The following DLGAP1 variants were observed in gnomAD, a reference collection of about 807,000 sequenced individuals.
DLGAP1 encodes disks large-associated protein 1.
A neutral mutation model predicts 90.8 loss-of-function variants in DLGAP1; 11 were observed. The ratio of observed to expected loss-of-function variants is 0.12; its 90% CI spans 0.08 to 0.20. DLGAP1 has a LOEUF of 0.20. Among genes scored for constraint, DLGAP1 ranks in the 10% least tolerant of loss-of-function variants. The pLI is 1.00. For missense variants in DLGAP1, 1,050 were observed against 1,333.8 expected (o/e 0.79, Z 3.31); for synonymous variants, 558 against 540.7 (o/e 1.03, Z -0.44).
intron 7 of DLGAP1, among the ~76,000 whole-genome samples, chr18:3,601,831 C>T (rs1282924961): frequency 8.7e-6 from 1 of 114,288 alleles, no homozygotes; most frequent in Admixed American, 1.0e-4. Flanking sequence ...GGTGACAGAG[C>T]GAGACTCCAT....
chr18:4,193,828 A>T (rs549079860), intron 1 of DLGAP1, among the ~76,000 whole-genome samples: 2 of 152,342 alleles, frequency 1.3e-5, no homozygotes, highest in African/African-American at 4.8e-5. Flanking sequence ...TCAATGCCCC[A>T]GTGAACTTGG....
Position 3,582,076 on chromosome 18 carries a change from G to A in DLGAP1, c.1764C>T (p.Asn588=). 6.2e-7 allele frequency: 1 copy of A among 1,611,328 alleles called. No homozygotes were observed. The highest frequency in any genetic ancestry group is 1.1e-5 in the South Asian group (1 of 90,902). Residue 588 remains asparagine, a synonymous_variant, in exon 8 of 13, where the codon AAC becomes AAT. Coordinates refer to ENST00000315677, the MANE Select transcript of DLGAP1 (RefSeq NM_004746.4). ...TCATACTGTCCAGGCTCTCGGTGGA[G>A]TTGCTGAGTCCAGACTGGCTGATAA... is the stretch of plus-strand genomic sequence containing the variant. ...GDIISQSGLS[N]STESLDSMKA...
intron 7 of DLGAP1, among the ~76,000 whole-genome samples, chr18:3,698,054 C>G (rs2061153376): frequency 6.6e-6 from 1 of 152,238 alleles, no homozygotes; most frequent in East Asian, 1.9e-4. Context: ...ATTCCTCCAT[C>G]CCTTTATTTT....
chr18:4,121,628 C>A (rs1422555310), intron 2 of DLGAP1, among the ~76,000 whole-genome samples: 2 of 152,074 alleles, frequency 1.3e-5, no homozygotes, highest in Non-Finnish European at 2.9e-5. Context: ...CTAGCAATTT[C>A]CCATCCACTG....
intron 7 of DLGAP1, among the ~76,000 whole-genome samples, chr18:3,709,681 A>T (rs888000291): frequency 6.6e-6 from 1 of 152,162 alleles, no homozygotes; most frequent in Non-Finnish European, 1.5e-5. Flanking sequence ...TCAATGGAAA[A>T]AGTAGGTTTC....
intron 3 of DLGAP1, among the ~76,000 whole-genome samples, chr18:3,883,568 T>C (rs1241813981): frequency 6.6e-6 from 1 of 152,246 alleles, no homozygotes; most frequent in African/African-American, 2.4e-5. Flanking sequence ...TTTGGCAAAG[T>C]GCTATCCTAG....
At chr18:4,278,443 C>G (rs1334934301) in intron 1 of DLGAP1, among the ~76,000 whole-genome samples, 1 of 152,146 alleles carries the variant, frequency 6.6e-6, no homozygotes, top group Non-Finnish European at 1.5e-5. Context: ...CCCTCCCACT[C>G]TCCTACTCTT....
chr18:3,635,326 C>T (rs1043337988), intron 7 of DLGAP1, among the ~76,000 whole-genome samples: 9 of 148,918 alleles, frequency 6.0e-5, no homozygotes, highest in Admixed American at 2.7e-4. Context: ...TTAGTAGAGA[C>T]GGGGTTTCAC....
rs539783301 is a variant in DLGAP1 at position 4,212,979 on chromosome 18, T to C, written c.-266-61692A>G. Among the ~76,000 whole-genome samples the C allele has an allele frequency of 4.6e-5, 7 of 152,298 alleles. No homozygotes were observed. The East Asian group carries it at 9.7e-4, about 21-fold the overall frequency. On this transcript the variant is annotated intron_variant, in intron 1 of 12. Coordinates refer to ENST00000315677, the MANE Select transcript of DLGAP1 (RefSeq NM_004746.4). ...AGATAATAAAGTGGCAAATAAATTA[T>C]ATTTACATCATTTCATAAGGTACTT...
chr18:3,547,923 T>C (rs2053154312), intron 9 of DLGAP1, among the ~76,000 whole-genome samples: 1 of 152,146 alleles, frequency 6.6e-6, no homozygotes, highest in South Asian at 2.1e-4. Context: ...TAAAAAGGAA[T>C]TAAGTACTAA....
chr18:3,628,667 T>G (rs376989209), intron 7 of DLGAP1, among the ~76,000 whole-genome samples: 9 of 152,334 alleles, frequency 5.9e-5, no homozygotes, highest in African/African-American at 2.2e-4. Flanking sequence ...CTTTAGTATT[T>G]CTGCATGCAT....
intron 5 of DLGAP1, among the ~76,000 whole-genome samples, chr18:3,750,674 C>G (rs568907265): frequency 6.6e-6 from 1 of 152,170 alleles, no homozygotes; most frequent in Non-Finnish European, 1.5e-5. Context: ...CACTCTCTTA[C>G]GGAGGCTCCT....
chr18:4,360,270 A>AT (rs1350310028), intron 1 of DLGAP1, among the ~76,000 whole-genome samples: 7 of 152,234 alleles, frequency 4.6e-5, no homozygotes, highest in Non-Finnish European at 1.5e-5. Context: ...TTGGGAGCAA[A>AT]TTAAAATAGA....
chr18:4,336,465 G>A (rs1373660536), intron 1 of DLGAP1, among the ~76,000 whole-genome samples: 4 of 152,166 alleles, frequency 2.6e-5, no homozygotes, highest in African/African-American at 9.7e-5. Flanking sequence ...GAGGCAATGA[G>A]GCCCAAAGAT....
At chr18:4,357,589 A>C (rs377525973) in intron 1 of DLGAP1, among the ~76,000 whole-genome samples, 14 of 152,226 alleles carry the variant, frequency 9.2e-5, no homozygotes, top group East Asian at 7.7e-4. Context: ...TTATGCAAGT[A>C]ATTTTCTATT....
intron 6 of DLGAP1, 30 bp downstream of exon 6, chr18:3,742,305 C>T (rs1302034015): frequency 1.2e-6 from 2 of 1,605,430 alleles, no homozygotes; most frequent in South Asian, 2.2e-5. Context: ...ACTAATGGCT[C>T]CTGACCACCG....
At chr18:4,300,760 G>A (rs1431801642) in intron 1 of DLGAP1, among the ~76,000 whole-genome samples, 6 of 151,986 alleles carry the variant, frequency 3.9e-5, no homozygotes, top group Admixed American at 6.6e-5. Flanking sequence ...CATTGCCTCC[G>A]GAATGATAGG....
chr18:3,991,744 G>A (rs968148344), intron 3 of DLGAP1, among the ~76,000 whole-genome samples: 2 of 152,148 alleles, frequency 1.3e-5, no homozygotes, highest in African/African-American at 4.8e-5. Context: ...TCCAGACCAG[G>A]AATCTCATAT....
At chr18:3,828,234 T>C (rs533026993) in intron 4 of DLGAP1, among the ~76,000 whole-genome samples, 22 of 152,332 alleles carry the variant, frequency 1.4e-4, no homozygotes, top group Non-Finnish European at 2.9e-4. Flanking sequence ...GTCCATCATC[T>C]GGGTTATCAC....
Sources: gnomAD v4.1 joint callset for allele counts (sites outside exome capture counted in the v4.1 genomes callset) on GRCh38, gnomAD v4.1.1 for gene constraint, MANE v1.5 for transcripts, NCBI Gene and HGNC (gene_info 2026-07-23, HGNC 2026-07-21) for gene names.